DNAH11: variants seen among roughly 807,000 people sequenced by gnomAD.
DNAH11 encodes the protein dynein axonemal heavy chain 11, also known as axonemal beta dynein heavy chain 11.
In DNAH11, 442 loss-of-function variants were observed where a neutral mutation model predicts 526.0. The ratio of observed to expected loss-of-function variants is 0.84; its 90% confidence interval spans 0.78 to 0.91. The LOEUF (loss-of-function observed/expected upper bound fraction) is 0.91. Ranked by LOEUF, DNAH11 falls within the 40% of genes least tolerant of loss-of-function variation. The pLI is 0.00. For missense variants in DNAH11, 6,989 were observed against 5,448.7 expected, an observed-to-expected ratio of 1.28 and a Z score of -8.90; for synonymous variants, 2,461 against 1,935.9, an observed-to-expected ratio of 1.27 and a Z score of -7.12.
intron 68 of DNAH11, among the ~76,000 whole-genome samples, chr7:21,859,770 C>G (rs140469039): frequency 2.3e-4 from 35 of 152,060 alleles, no homozygotes; most frequent in African/African-American, 8.2e-4. Context: ...GCAATTCATA[C>G]AACGCCATTA....
chr7:21,558,773 T>C (rs1277956633), intron 2 of DNAH11, 29 bp from the exon 3 acceptor site: 14 of 1,514,578 alleles, frequency 9.2e-6, no homozygotes, highest in Middle Eastern at 2.0e-4. Context: ...TGTCTGTAAA[T>C]TAATTTAACT....
chr7:21,800,026 C>T lies in DNAH11; in HGVS notation c.10027-1111C>T, dbSNP rs937271981. On this transcript the variant is annotated intron_variant, in intron 61 of 81. Transcript: ENST00000409508. ...AAGTTATATGAGCTCATTCAAAATA[C>T]CTTAGTCAAAAAAGGCACAAAGACA... 1.7e-3 allele frequency among the ~76,000 whole-genome samples: 253 copies of T among 152,216 alleles called. 6 individuals are homozygous for T. Among genetic ancestry groups the T allele is most frequent in the Admixed American group, 0.016 (252 of 15,286 alleles).
intron 65 of DNAH11, among the ~76,000 whole-genome samples, chr7:21,840,936 C>T (rs529088440): frequency 2.4e-4 from 37 of 152,186 alleles, no homozygotes; most frequent in Non-Finnish European, 4.7e-4. Context: ...AATCCTAGCA[C>T]TTTGGAAGGC....
intron 2 of DNAH11, among the ~76,000 whole-genome samples, chr7:21,553,733 C>G (rs890747389): frequency 6.6e-6 from 1 of 152,210 alleles, no homozygotes; most frequent in African/African-American, 2.4e-5. Flanking sequence ...ATCTGTCATT[C>G]GCCTTGTCTC....
Position 21,791,356 on chromosome 7 carries a change from G to C in DNAH11, c.10026+2014G>C, listed in dbSNP as rs902879657. ...ATCTCTCTGCATTGGATGCACTCAG[G>C]TGAGGCTTTTAGCAGGAGTGACCTT... On this transcript the variant is annotated intron_variant, in intron 61 of 81. Transcript: ENST00000409508. Among the ~76,000 whole-genome samples the C allele has an allele frequency of 3.7e-4, 57 of 152,206 alleles. 1 individual carries two copies. Among genetic ancestry groups the C allele is most frequent in the African/African-American group, 1.4e-3 (57 of 41,450 alleles).
chr7:21,594,989 G>C (rs772238173), intron 14 of DNAH11, among the ~76,000 whole-genome samples: 1 of 152,216 alleles, frequency 6.6e-6, no homozygotes, highest in Non-Finnish European at 1.5e-5. Context: ...AGGGAGGCTA[G>C]GGAAGAGGCA....
intron 14 of DNAH11, among the ~76,000 whole-genome samples, chr7:21,594,098 A>ACACACACACACTCT (rs534629301): frequency 1.4e-5 from 2 of 147,982 alleles, no homozygotes; most frequent in East Asian, 4.1e-4. Flanking sequence ...ACACACACAC[A>ACACACACACACTCT]CTCTGAAGCC....
At chr7:21,729,047 A>G (rs931395379) in intron 45 of DNAH11, among the ~76,000 whole-genome samples, 2 of 152,180 alleles carry the variant, frequency 1.3e-5, no homozygotes, top group African/African-American at 4.8e-5. Context: ...ATCCCCTGAA[A>G]GTGAGGGGGA....
intron 54 of DNAH11, among the ~76,000 whole-genome samples, chr7:21,759,805 CGAAAACATA>C (rs545862920): frequency 2.5e-4 from 38 of 152,064 alleles, no homozygotes; most frequent in African/African-American, 9.2e-4. Flanking sequence ...CTAAAAGAAA[CGAAAACATA>C]TTACAAAGCA....
At chr7:21,892,402 T>G (rs746789335) in intron 76 of DNAH11, 23 bp from the exon 77 acceptor site, 1 of 1,590,924 alleles carries the variant, frequency 6.3e-7, no homozygotes, top group South Asian at 1.1e-5. Flanking sequence ...TTGGAATAAC[T>G]GACTTTTCCT....
chr7:21,860,278 G>A lies in DNAH11; in HGVS notation c.11203-1575G>A, dbSNP rs566512721. Among the ~76,000 whole-genome samples, 6 of 96,590 alleles carry A rather than the reference G, an allele frequency of 6.2e-5. No individual in the cohort carries two copies. In the East Asian group the frequency reaches 1.7e-3, roughly 27 times the overall value. 63.4% of individuals were successfully genotyped at this position (96,590 alleles called of 152,430 possible). A position where few individuals can be genotyped will look rare whatever the true frequency, so the allele number is the denominator to read the frequency against. On this transcript the variant is annotated intron_variant, in intron 68 of 81. Coordinates refer to ENST00000409508, the MANE Select transcript of DNAH11 (RefSeq NM_001277115.2). ...GATATCACCTCACACCCATTAGAAT[G>A]GCTACTATCAAAAAAAAAAGATAAC...
intron 54 of DNAH11, among the ~76,000 whole-genome samples, chr7:21,759,621 T>TC (rs1210554305): frequency 6.6e-6 from 1 of 152,128 alleles, no homozygotes; most frequent in African/African-American, 2.4e-5. Context: ...AAGTGATGGA[T>TC]GGAAGCTTCT....
rs1471867391 is a variant in DNAH11, at chr7:21,543,277, G to A, written c.32G>A (p.Arg11Gln). ...GCCCAGGTGGCAGCCCGGGAGGCGC[G>A]AGACTTCAGAGAAGCCCCGACCCTT... MAAQVAAREA[R>Q]DFREAPTLRL... Residue 11 changes from arginine to glutamine, a missense_variant, in exon 1 of 82, where the codon CGA (arginine) becomes CAA (glutamine). By Grantham distance (43) the Arg-to-Gln change is conservative. Transcript: ENST00000409508. 4.5e-6 allele frequency: 7 copies of A among 1,541,124 alleles called. No individual in the cohort carries two copies. Among genetic ancestry groups the A allele is most frequent in the African/African-American group, 4.1e-5 (3 of 72,936 alleles).
chr7:21,766,505 G>T (rs1440141763), intron 55 of DNAH11, among the ~76,000 whole-genome samples: 3 of 152,162 alleles, frequency 2.0e-5, no homozygotes, highest in Non-Finnish European at 2.9e-5. Flanking sequence ...CTAGTTGAAA[G>T]ATTATCATGA....
At chr7:21,787,661 A>C in intron 60 of DNAH11, 78 bp downstream of exon 60, 9 of 1,299,326 alleles carry the variant, frequency 6.9e-6, no homozygotes, top group Non-Finnish European at 9.2e-6. Flanking sequence ...GTCAGCGAGA[A>C]GAGTAAAATT....
At chr7:21,866,767 T>C in intron 71 of DNAH11, 104 bp downstream of exon 71, 1 of 1,229,238 alleles carries the variant, frequency 8.1e-7, no homozygotes, top group African/African-American at 1.5e-5. Context: ...TCCATTTTGA[T>C]GGGGAGTGAT....
At chr7:21,579,606 A>C (rs1303576986) in intron 8 of DNAH11, among the ~76,000 whole-genome samples, 2 of 152,236 alleles carry the variant, frequency 1.3e-5, no homozygotes, top group Admixed American at 1.3e-4. Context: ...GAGAGTGTGA[A>C]ATTGGGAGAG....
intron 65 of DNAH11, among the ~76,000 whole-genome samples, chr7:21,829,625 G>A (rs1289189324): frequency 6.6e-6 from 1 of 152,188 alleles, no homozygotes; most frequent in African/African-American, 2.4e-5. Flanking sequence ...CAGAGTATCT[G>A]ATAGCTAAAT....
chr7:21,866,343 T>C, intron 70 of DNAH11, 127 bp from the exon 71 acceptor site: 2 of 734,468 alleles, frequency 2.7e-6, no homozygotes, highest in Non-Finnish European at 4.0e-6. Flanking sequence ...AAAGGAAATC[T>C]GAAGAGGAGA....
Sources: allele counts gnomAD v4.1 joint callset (sites outside exome capture counted in the v4.1 genomes callset), GRCh38; gene constraint gnomAD v4.1.1; transcripts MANE v1.5; gene names NCBI Gene and HGNC (gene_info 2026-07-23, HGNC 2026-07-21).